The following ARHGAP15 variants were observed in gnomAD, a reference collection of about 807,000 sequenced individuals.
ARHGAP15 encodes Rho GTPase activating protein 15, also known as rho GTPase-activating protein 15.
In ARHGAP15, 51 loss-of-function variants were observed where a neutral mutation model predicts 63.7. The observed-to-expected ratio is 0.80, with a 90% CI of 0.64 to 1.01. The LOEUF (loss-of-function observed/expected upper bound fraction) is 1.01. Among genes scored for constraint, ARHGAP15 ranks in the 50% least tolerant of loss-of-function variants. The probability of loss-of-function intolerance (pLI) is 0.00; values close to 1 mark genes in which losing one functional copy is unlikely to be tolerated. For missense variants in ARHGAP15, 560 were observed against 564.6 expected (o/e 0.99, Z 0.08); for synonymous variants, 191 against 193.8 (o/e 0.99, Z 0.12).
chr2:143,330,107 A>AC (rs1558897681), intron 6 of ARHGAP15, among the ~76,000 whole-genome samples: 7 of 82,142 alleles, frequency 8.5e-5, no homozygotes, highest in African/African-American at 1.4e-4. Context: ...AAAAAAAAAA[A>AC]AAAAAAAAAA....
chr2:143,753,124 G>A (rs1302691472), intron 13 of ARHGAP15, among the ~76,000 whole-genome samples: 1 of 152,140 alleles, frequency 6.6e-6, no homozygotes, highest in Non-Finnish European at 1.5e-5. Flanking sequence ...TAGCCTGGGC[G>A]ACAGAATAAG....
At position 143,568,713 on chromosome 2, in the gene ARHGAP15, CAT is replaced by C. The variant is rs558358666; in HGVS notation, c.1003+12231_1003+12232del. ...ATGTTACTATAAAGACACATGCACA[CAT>C]ATGTTTATTGCAGCACTATTCACAA... is the stretch of plus-strand genomic sequence containing the variant. On this transcript the variant is annotated intron_variant, in intron 11 of 13. Coordinates refer to ENST00000295095, the MANE Select transcript of ARHGAP15 (RefSeq NM_018460.4). 6.6e-5 allele frequency among the ~76,000 whole-genome samples: 10 copies of C among 152,290 alleles called. No homozygotes were observed. In the South Asian group the frequency reaches 1.9e-3, roughly 28 times the overall value.
chr2:143,228,542 T>C (rs1693310103), intron 4 of ARHGAP15, 39 bp from the exon 5 acceptor site: 2 of 1,404,118 alleles, frequency 1.4e-6, no homozygotes, highest in Admixed American at 1.8e-5. Context: ...TTTCTTCAAC[T>C]GATAATGCTT....
At position 143,543,505 on chromosome 2, in the gene ARHGAP15, C is replaced by T. The variant is rs1695195013; in HGVS notation, c.926-12903C>T. On this transcript the variant is annotated intron_variant, in intron 10 of 13. Transcript: ENST00000295095. ...TAATTTCTCCCATTCTATAGGTTGC[C>T]ACTCCACTCTGTTGATTGTTTCCTT... 2.0e-5 allele frequency among the ~76,000 whole-genome samples: 3 copies of T among 152,140 alleles called. 1 individual carries two copies. The highest frequency in any genetic ancestry group is 2.0e-4 in the Admixed American group (3 of 15,274).
chr2:143,196,617 A>G (rs1020524602), intron 2 of ARHGAP15, among the ~76,000 whole-genome samples: 1 of 152,040 alleles, frequency 6.6e-6, no homozygotes, highest in Non-Finnish European at 1.5e-5. Context: ...AAATATTGCA[A>G]GTAAATTAAG....
intron 10 of ARHGAP15, among the ~76,000 whole-genome samples, chr2:143,531,820 T>G (rs1415409635): frequency 6.6e-6 from 1 of 152,254 alleles, no homozygotes; most frequent in East Asian, 1.9e-4. Context: ...TACCTGATAC[T>G]TCATAGTCTG....
chr2:143,701,000 C>G (rs1036733917), intron 12 of ARHGAP15, among the ~76,000 whole-genome samples: 6 of 151,978 alleles, frequency 3.9e-5, no homozygotes, highest in African/African-American at 1.4e-4. Flanking sequence ...TTTTTTTTCT[C>G]TTTCTCGCTC....
intron 2 of ARHGAP15, among the ~76,000 whole-genome samples, chr2:143,164,731 T>G (rs185607619): frequency 4.2e-4 from 64 of 152,056 alleles, no homozygotes; most frequent in South Asian, 2.5e-3. Flanking sequence ...ATGTCATCAT[T>G]ATTATTACTA....
chr2:143,252,475 A>G (rs1314424195), intron 6 of ARHGAP15, among the ~76,000 whole-genome samples: 1 of 151,964 alleles, frequency 6.6e-6, no homozygotes, highest in Non-Finnish European at 1.5e-5. Flanking sequence ...TTTGCCAGCT[A>G]GTTTTGTTTG....
At chr2:143,532,752 G>C (rs1046980730) in intron 10 of ARHGAP15, among the ~76,000 whole-genome samples, 5 of 152,076 alleles carry the variant, frequency 3.3e-5, no homozygotes, top group Admixed American at 2.6e-4. Flanking sequence ...TTATAGACTA[G>C]AATATGGTAA....
chr2:143,359,992 A>G (rs1312084606), intron 6 of ARHGAP15, among the ~76,000 whole-genome samples: 1 of 152,144 alleles, frequency 6.6e-6, no homozygotes, highest in East Asian at 1.9e-4. Flanking sequence ...AAAGGCCTGG[A>G]AAGATTGAGT....
At chr2:143,580,950 T>G (rs1033551760) in intron 11 of ARHGAP15, among the ~76,000 whole-genome samples, 1 of 152,194 alleles carries the variant, frequency 6.6e-6, no homozygotes, top group African/African-American at 2.4e-5. Flanking sequence ...GAGCACTTCC[T>G]ATGGGCTAGG....
chr2:143,768,017 A>G lies in ARHGAP15; in HGVS notation c.1273A>G (p.Met425Val), dbSNP rs375280277. 2 of 1,613,444 alleles carry G rather than the reference A, an allele frequency of 1.2e-6. No individual in the cohort carries two copies. Among genetic ancestry groups the G allele is most frequent in the Non-Finnish European group, 8.5e-7 (1 of 1,179,590 alleles). Residue 425 changes from methionine (M) to valine (V), a missense_variant, in exon 14 of 14, where the codon ATG becomes GTG. Transcript: ENST00000295095. The stretch of plus-strand genomic sequence containing the variant: ...AGTGGCCAAAGCCTCCAAGAACCTC[A>G]TGTCCACGCAAAGCTTGGGGATTGT... ...KIVAKASKNLMSTQSLGIVFG... is the reference protein window; with the variant it reads ...KIVAKASKNLVSTQSLGIVFG...
At chr2:143,483,872 C>T (rs1300095608) in intron 8 of ARHGAP15, among the ~76,000 whole-genome samples, 2 of 152,192 alleles carry the variant, frequency 1.3e-5, no homozygotes, top group Non-Finnish European at 2.9e-5. Flanking sequence ...TCAATCCCTC[C>T]TCTTAGATCC....
intron 1 of ARHGAP15, among the ~76,000 whole-genome samples, chr2:143,131,839 G>A (rs1457506190): frequency 6.6e-6 from 1 of 152,158 alleles, no homozygotes. Flanking sequence ...ATGGTTGGGG[G>A]AAGACTTTAG....
chr2:143,643,430 C>CT (rs1225752569), intron 12 of ARHGAP15, among the ~76,000 whole-genome samples: 1 of 43,846 alleles, frequency 2.3e-5, no homozygotes, highest in Non-Finnish European at 6.4e-5. Flanking sequence ...TCCACCCACC[C>CT]CCCCCCACCA....
chr2:143,438,123 A>G (rs994634978), intron 8 of ARHGAP15, among the ~76,000 whole-genome samples: 1 of 152,164 alleles, frequency 6.6e-6, no homozygotes, highest in Admixed American at 6.5e-5. Context: ...GCTGACCCCA[A>G]TCTTGCAAAT....
chr2:143,571,869 T>C (rs1696472262), intron 11 of ARHGAP15: 1 of 152,184 alleles, frequency 6.6e-6, no homozygotes. Flanking sequence ...TGCGTATTAT[T>C]ATTTGATAGG....
chr2:143,675,352 A>G (rs552398584), intron 12 of ARHGAP15, among the ~76,000 whole-genome samples: 44 of 152,088 alleles, frequency 2.9e-4, no homozygotes, highest in Admixed American at 8.5e-4. Context: ...GCTCCTGTTA[A>G]TGTTGCTATT....
Sources: allele counts gnomAD v4.1 joint callset (sites outside exome capture counted in the v4.1 genomes callset), GRCh38; gene constraint gnomAD v4.1.1; transcripts MANE v1.5; gene names NCBI Gene and HGNC (gene_info 2026-07-23, HGNC 2026-07-21).